The following SEPTIN10 variants were observed in gnomAD, a reference collection of about 807,000 sequenced individuals.
The protein encoded by SEPTIN10 is septin 10, also known as septin-10.
SEPTIN10 carries 66 observed loss-of-function variants against 54.8 expected under a neutral mutation model. That is an observed-to-expected ratio of 1.21 (90% CI 0.99 to 1.48). SEPTIN10 has a LOEUF of 1.48. SEPTIN10 is among the 40% of genes most tolerant of loss of function. SEPTIN10 has a pLI of 0.00. For missense variants in SEPTIN10, 620 were observed against 545.6 expected (o/e 1.14, Z -1.36); for synonymous variants, 161 against 181.0 (o/e 0.89, Z 0.89).
intron 1 of SEPTIN10, among the ~76,000 whole-genome samples, chr2:109,611,004 G>T (rs998565579): frequency 1.3e-5 from 2 of 152,096 alleles, no homozygotes; most frequent in African/African-American, 4.8e-5. Context: ...TGCTAACGGA[G>T]AACCCAGAAA....
chr2:109,569,880 G>C (rs1421573841), intron 5 of SEPTIN10, among the ~76,000 whole-genome samples: 4 of 152,068 alleles, frequency 2.6e-5, no homozygotes, highest in African/African-American at 7.2e-5. Context: ...TCAAGCAGTC[G>C]AATGTTCTGC....
At chr2:109,588,125 C>T (rs75122482) in intron 2 of SEPTIN10, among the ~76,000 whole-genome samples, 7,306 of 151,580 alleles carry the variant, frequency 0.048, 504 homozygotes, top group African/African-American at 0.16. Flanking sequence ...AAAAAGACAT[C>T]GTAGAATTCT....
intron 4 of SEPTIN10, among the ~76,000 whole-genome samples, chr2:109,581,463 A>C (rs1042174932): frequency 5.3e-5 from 8 of 151,986 alleles, no homozygotes; most frequent in African/African-American, 1.9e-4. Context: ...AAAATCAGTA[A>C]AGTTTATTCT....
At chr2:109,587,336 GA>G (rs1174448629) in intron 2 of SEPTIN10, among the ~76,000 whole-genome samples, 1 of 151,708 alleles carries the variant, frequency 6.6e-6, no homozygotes, top group Non-Finnish European at 1.5e-5. Flanking sequence ...CTCACAGAAA[GA>G]AAAAAGATAA....
intron 2 of SEPTIN10, among the ~76,000 whole-genome samples, chr2:109,592,196 G>A (rs1263623205): frequency 6.6e-6 from 1 of 152,078 alleles, no homozygotes; most frequent in African/African-American, 2.4e-5. Flanking sequence ...CGGGCGTGGT[G>A]GCTCACGCCT....
chr2:109,545,227 C>A, intron 10 of SEPTIN10: 1 of 985,338 alleles, frequency 1.0e-6, no homozygotes, highest in African/African-American at 1.7e-5. Flanking sequence ...CTGAATAGAA[C>A]AAGGCATGAT....
At chr2:109,602,858 T>C (rs1410687419) in intron 1 of SEPTIN10, among the ~76,000 whole-genome samples, 1 of 145,424 alleles carries the variant, frequency 6.9e-6, no homozygotes, top group Non-Finnish European at 1.5e-5. Context: ...TAGATACCCA[T>C]TAAAAGGACT....
intron 1 of SEPTIN10, among the ~76,000 whole-genome samples, chr2:109,601,967 A>G (rs2106171238): frequency 6.6e-6 from 1 of 152,322 alleles, no homozygotes; most frequent in African/African-American, 2.4e-5. Flanking sequence ...TTCCCGAGGG[A>G]AAAACCAGGA....
intron 2 of SEPTIN10, among the ~76,000 whole-genome samples, chr2:109,586,466 A>C (rs2105806007): frequency 6.6e-6 from 1 of 152,286 alleles, no homozygotes; most frequent in East Asian, 1.9e-4. Flanking sequence ...TCAGGAGGGA[A>C]GTTATAGTCT....
At chr2:109,568,116 C>A in intron 5 of SEPTIN10, 140 bp from the exon 6 acceptor site, 1 of 634,988 alleles carries the variant, frequency 1.6e-6, no homozygotes, top group South Asian at 2.1e-5. Flanking sequence ...TACGGTCCAT[C>A]TCGCTGTTGA....
At chr2:109,594,947 G>T (rs868805137) in intron 1 of SEPTIN10, 2 of 152,042 alleles carry the variant, frequency 1.3e-5, no homozygotes, top group African/African-American at 4.8e-5. Flanking sequence ...GAGTGCAGGG[G>T]TGCAATCTCA....
At chr2:109,571,207 G>A (rs1688298508) in intron 5 of SEPTIN10, among the ~76,000 whole-genome samples, 1 of 152,178 alleles carries the variant, frequency 6.6e-6, no homozygotes, top group Admixed American at 6.5e-5. Flanking sequence ...ACAGCCTAAG[G>A]AACTGTAAGT....
chr2:109,570,925 T>C (rs1416977379), intron 5 of SEPTIN10, among the ~76,000 whole-genome samples: 1 of 152,180 alleles, frequency 6.6e-6, no homozygotes, highest in Non-Finnish European at 1.5e-5. Context: ...GGCGACATGG[T>C]TTGGATTTGT....
At chr2:109,587,084 T>C (rs1226515636) in intron 2 of SEPTIN10, among the ~76,000 whole-genome samples, 2 of 152,104 alleles carry the variant, frequency 1.3e-5, no homozygotes, top group Non-Finnish European at 2.9e-5. Context: ...AATTAGCAGG[T>C]AAGAACTTTA....
chr2:109,562,205 T>G (rs990666565), intron 8 of SEPTIN10, among the ~76,000 whole-genome samples: 3 of 150,454 alleles, frequency 2.0e-5, no homozygotes, highest in African/African-American at 7.5e-5. Context: ...ACAGTGAGAC[T>G]CTATCTCAAA....
rs548235233 is a variant in SEPTIN10 at position 109,576,411 on chromosome 2, AT to A, written c.414-1645del. ...ACCACACCCGGCCTCAAAAAATGAT[AT>A]TTTTTTTAATAAGTAAATAAATAAA... On this transcript the variant is annotated intron_variant, in intron 4 of 10. Transcript: ENST00000397712. Among the ~76,000 whole-genome samples, 45 of 151,932 alleles carry A rather than the reference AT, an allele frequency of 3.0e-4. No individual in the cohort carries two copies. The East Asian group carries it at 5.8e-3, about 20-fold the overall frequency.
chr2:109,575,131 T>C (rs1689375496), intron 4 of SEPTIN10, among the ~76,000 whole-genome samples: 1 of 152,224 alleles, frequency 6.6e-6, no homozygotes, highest in South Asian at 2.1e-4. Context: ...CTTGAAATGG[T>C]ATTGAATTTA....
In SEPTIN10 at chr2:109,585,347, A is replaced by G. The variant is rs1322402875; in HGVS notation, c.218-26T>C. The G allele has an allele frequency of 2.6e-6, 4 of 1,536,718 alleles. No individual in the cohort carries two copies. In the African/African-American group the frequency reaches 5.5e-5, roughly 21 times the overall value. ...CTGAAACACACAAAGGTACATCTTTATGGTTGCATGAATGGCTGAAAAGAA... is the reference window on the plus strand; with the variant it reads ...CTGAAACACACAAAGGTACATCTTTGTGGTTGCATGAATGGCTGAAAAGAA... On this transcript the variant is annotated intron_variant, in intron 3 of 10. Coordinates refer to ENST00000397712, the MANE Select transcript of SEPTIN10 (RefSeq NM_144710.5).
At chr2:109,601,305 T>C (rs1490960524) in intron 1 of SEPTIN10, among the ~76,000 whole-genome samples, 2 of 152,210 alleles carry the variant, frequency 1.3e-5, no homozygotes, top group African/African-American at 4.8e-5. Context: ...GACATCACTT[T>C]GGAAGTTTTA....
Sources: gnomAD v4.1 joint callset for allele counts (sites outside exome capture counted in the v4.1 genomes callset) on GRCh38, gnomAD v4.1.1 for gene constraint, MANE v1.5 for transcripts, NCBI Gene and HGNC (gene_info 2026-07-23, HGNC 2026-07-21) for gene names.